LAMA2: variants seen among roughly 807,000 people sequenced by gnomAD.
LAMA2 encodes the protein laminin subunit alpha-2.
A neutral mutation model predicts 364.8 loss-of-function variants in LAMA2; 269 were observed. The observed-to-expected ratio is 0.74, with a 90% CI of 0.67 to 0.82. LAMA2 has a LOEUF of 0.82. LAMA2 is among the 40% of genes least tolerant of loss of function. The pLI, the probability that LAMA2 is intolerant of heterozygous loss-of-function variation, is 0.00. For missense variants in LAMA2, 3,807 were observed against 3,873.2 expected, an observed-to-expected ratio of 0.98 and a Z score of 0.45; for synonymous variants, 1,379 against 1,370.6, an observed-to-expected ratio of 1.01 and a Z score of -0.14.
intron 47 of LAMA2, among the ~76,000 whole-genome samples, chr6:129,455,244 T>TA (rs554894851): frequency 2.0e-4 from 29 of 148,342 alleles, no homozygotes; most frequent in African/African-American, 4.2e-4. Flanking sequence ...CTTCATCTCT[T>TA]AAAAAAAAAA....
At chr6:128,885,868 A>G (rs1776124661) in intron 1 of LAMA2, among the ~76,000 whole-genome samples, 1 of 152,204 alleles carries the variant, frequency 6.6e-6, no homozygotes, top group Non-Finnish European at 1.5e-5. Flanking sequence ...TATTCCAAGG[A>G]AATTCTTTAG....
At chr6:129,024,179 T>A (rs1785643838) in intron 1 of LAMA2, among the ~76,000 whole-genome samples, 1 of 152,046 alleles carries the variant, frequency 6.6e-6, no homozygotes, top group Admixed American at 6.5e-5. Context: ...AAAACTCAAA[T>A]AAACCTTAGA....
At chr6:129,490,573 A>G (rs1429960100) in intron 56 of LAMA2, 1 of 152,224 alleles carries the variant, frequency 6.6e-6, no homozygotes, top group Non-Finnish European at 1.5e-5. Flanking sequence ...TTAAAACCTT[A>G]GAAGCCCTGT....
In LAMA2 at chr6:129,314,689, G is replaced by A. The variant is rs993626938; in HGVS notation, c.3446G>A (p.Arg1149Gln). Residue 1149 changes from arginine (R) to glutamine (Q), a missense_variant, in exon 24 of 65, where the codon CGG becomes CAG. Physicochemically the swap from Arg to Gln is conservative, Grantham distance 43. This residue lies in a region of LAMA2 where 3,333 missense variants were observed against 3,345.7 expected (regional missense o/e 1.00). Transcript: ENST00000421865. ...GAAGGCATCCACTGTGACAGATGCC[G>A]GCCTGGCAAATTCGGACTCGATGCC... ...NVEGIHCDRC[R>Q]PGKFGLDAKN... is the part of the protein sequence containing the mutation. 8.1e-6 allele frequency: 13 copies of A among 1,613,674 alleles called. No homozygotes were observed. Among genetic ancestry groups the A allele is most frequent in the Admixed American group, 6.7e-5 (4 of 60,024 alleles).
intron 3 of LAMA2, among the ~76,000 whole-genome samples, chr6:129,081,670 T>G (rs1386972731): frequency 6.6e-6 from 1 of 152,210 alleles, no homozygotes; most frequent in Non-Finnish European, 1.5e-5. Context: ...TCCTTTTTTC[T>G]TCATTTTTAG....
chr6:129,240,385 G>A (rs1785318374), intron 12 of LAMA2, among the ~76,000 whole-genome samples: 2 of 152,126 alleles, frequency 1.3e-5, no homozygotes, highest in Admixed American at 6.6e-5. Flanking sequence ...ATTCTCCAAC[G>A]CTTTCTCATA....
chr6:129,504,859 C>CTTAA (rs1397158417), intron 60 of LAMA2, among the ~76,000 whole-genome samples: 2 of 152,228 alleles, frequency 1.3e-5, no homozygotes, highest in Non-Finnish European at 1.5e-5. Context: ...TTGCTACCCA[C>CTTAA]TTAATTTATG....
Position 129,147,168 on chromosome 6 carries a change from A to G in LAMA2, c.909+120A>G, listed in dbSNP as rs542669776. Reference sequence around the variant, plus strand: ...AGTCAGGTCCCCACTTAGACAGTGTAACAGAAATCCATGCCAGGGTGAAAT... The same window carrying G: ...AGTCAGGTCCCCACTTAGACAGTGTGACAGAAATCCATGCCAGGGTGAAAT... On this transcript the variant is annotated intron_variant, in intron 6 of 64. Transcript: ENST00000421865. 332 of 748,858 alleles carry G rather than the reference A, an allele frequency of 4.4e-4. 1 individual carries two copies. The African/African-American group carries it at 5.1e-3, about 11-fold the overall frequency. 46.4% of individuals were successfully genotyped at this position (748,858 alleles called of 1,614,324 possible). A position where few individuals can be genotyped will look rare whatever the true frequency, so the allele number is the denominator to read the frequency against.
rs752249871 is a variant in LAMA2 at position 129,438,655 on chromosome 6, A to G, written c.5978A>G (p.Asp1993Gly). The stretch of plus-strand genomic sequence containing the variant: ...TGTTTTTTATTCGCAGAAAATGAAG[A>G]CCATCTAAATGGCTTAAAAACCAGG... ...KLANDVKENE[D>G]HLNGLKTRIE... Residue 1993 changes from aspartate to glycine, a missense_variant, in exon 42 of 65, where the codon GAC (aspartate) becomes GGC (glycine). By Grantham distance (94) the Asp-to-Gly change is moderately conservative (BLOSUM62 -1). Around this residue, in one of 3 missense-constraint regions of LAMA2, gnomAD observed 3,333 missense variants for 3,345.7 expected, o/e 1.00. Transcript: ENST00000421865. 2.5e-5 allele frequency: 39 copies of G among 1,565,560 alleles called. No individual in the cohort carries two copies. Among genetic ancestry groups the G allele is most frequent in the Middle Eastern group, 3.4e-4 (2 of 5,966 alleles).
At chr6:129,142,305 T>A (rs773673751) in intron 4 of LAMA2, among the ~76,000 whole-genome samples, 5 of 152,006 alleles carry the variant, frequency 3.3e-5, no homozygotes, top group Non-Finnish European at 5.9e-5. Flanking sequence ...GATCAGGGTG[T>A]CCGCATGGTT....
chr6:129,062,955 A>G (rs1310720675), intron 3 of LAMA2, among the ~76,000 whole-genome samples: 1 of 148,470 alleles, frequency 6.7e-6, no homozygotes, highest in African/African-American at 2.5e-5. Flanking sequence ...CAAGATAAGC[A>G]CTAGAAAAAA....
intron 10 of LAMA2, among the ~76,000 whole-genome samples, chr6:129,179,746 A>G (rs1780819876): frequency 6.6e-6 from 1 of 152,232 alleles, no homozygotes; most frequent in African/African-American, 2.4e-5. Context: ...TATCTTAAAT[A>G]GAAAACTGTA....
chr6:129,099,125 G>GTTTTTTTTTTTTTTTTTTTTTTTTT (rs370334822), intron 4 of LAMA2, among the ~76,000 whole-genome samples: 2 of 129,802 alleles, frequency 1.5e-5, no homozygotes, highest in Non-Finnish European at 3.2e-5. Flanking sequence ...TTTTTTTTTT[G>GTTTTTTTTTTTTTTTTTTTTTTTTT]TTTTTTTTTT....
At chr6:129,334,355 A>G (rs2114548475) in intron 29 of LAMA2, among the ~76,000 whole-genome samples, 1 of 152,320 alleles carries the variant, frequency 6.6e-6, no homozygotes, top group African/African-American at 2.4e-5. Flanking sequence ...TCATTTATAT[A>G]ATGAAAACAA....
intron 1 of LAMA2, among the ~76,000 whole-genome samples, chr6:129,043,114 G>T (rs1787220244): frequency 6.6e-6 from 1 of 152,242 alleles, no homozygotes; most frequent in South Asian, 2.1e-4. Context: ...ATTCCCAACA[G>T]CAATGCAGCA....
intron 40 of LAMA2, among the ~76,000 whole-genome samples, chr6:129,408,655 C>T (rs371531940): frequency 4.0e-4 from 61 of 152,114 alleles, no homozygotes; most frequent in African/African-American, 1.4e-3. Context: ...GCTGATCACC[C>T]TGAGGAAGGA....
chr6:129,046,702 C>A (rs138678945), intron 1 of LAMA2, among the ~76,000 whole-genome samples: 44 of 152,284 alleles, frequency 2.9e-4, no homozygotes, highest in African/African-American at 1.0e-3. Context: ...ATTACATAAT[C>A]TTATATGTTG....
intron 1 of LAMA2, among the ~76,000 whole-genome samples, chr6:128,937,245 AT>A (rs931826619): frequency 1.3e-5 from 2 of 152,160 alleles, no homozygotes; most frequent in Non-Finnish European, 2.9e-5. Flanking sequence ...TCCTTTTGAT[AT>A]GCCGTTGAAT....
chr6:129,427,927 T>C, intron 41 of LAMA2, 73 bp downstream of exon 41: 1 of 912,684 alleles, frequency 1.1e-6, no homozygotes, highest in Non-Finnish European at 1.8e-6. Context: ...TATCACACTA[T>C]TGGAGAATGT....
Sources: gnomAD v4.1 joint callset for allele counts (sites outside exome capture counted in the v4.1 genomes callset) on GRCh38, gnomAD v4.1.1 for gene constraint, gnomAD v4.1.1 regional missense constraint, MANE v1.5 for transcripts, NCBI Gene and HGNC (gene_info 2026-07-23, HGNC 2026-07-21) for gene names.